KIAA1217: variants seen among roughly 807,000 people sequenced by gnomAD.
KIAA1217 encodes the protein sickle tail protein homolog.
Under a neutral mutation model 163.9 loss-of-function variants are expected in KIAA1217, and 88 were observed. The ratio of observed to expected loss-of-function variants is 0.54; its 90% CI spans 0.45 to 0.64. KIAA1217 has a LOEUF of 0.64. Ranked by LOEUF, KIAA1217 falls within the 30% of genes least tolerant of loss-of-function variation. The pLI, the probability that KIAA1217 is intolerant of heterozygous loss-of-function variation, is 0.00. For missense variants in KIAA1217, 2,372 were observed against 2,475.0 expected (o/e 0.96, Z 0.88); for synonymous variants, 903 against 923.1 (o/e 0.98, Z 0.39).
chr10:24,214,222 C>T (rs1019812065), intron 1 of KIAA1217, among the ~76,000 whole-genome samples: 1 of 152,128 alleles, frequency 6.6e-6, no homozygotes, highest in Admixed American at 6.5e-5. Flanking sequence ...GATTCTGCGG[C>T]CTGCTAACCG....
At chr10:24,355,897 T>C (rs1371083635) in intron 2 of KIAA1217, among the ~76,000 whole-genome samples, 7 of 151,320 alleles carry the variant, frequency 4.6e-5, no homozygotes, top group Admixed American at 4.0e-4. Flanking sequence ...TACAGGTGTC[T>C]GCCACCACGC....
chr10:24,524,364 A>C lies in KIAA1217; in HGVS notation c.2498A>C (p.Gln833Pro). ...DGLLKGTDAA[Q>P]AAQYMAMEKA... The stretch of plus-strand genomic sequence containing the variant: ...CTCCTGAAAGGCACGGACGCAGCCC[A>C]AGCCGCACAGTACATGGCTATGGAA... The change falls in exon 13 of 21, where the codon CAA becomes CCA. Residue 833 changes from glutamine (Q) to proline (P), a missense_variant. Gln to Pro is a moderately conservative substitution (Grantham distance 76). Transcript: ENST00000376454. 6.2e-7 allele frequency: 1 copy of C among 1,614,044 alleles called. No individual in the cohort carries two copies. Among genetic ancestry groups the C allele is most frequent in the Non-Finnish European group, 8.5e-7 (1 of 1,179,886 alleles).
At chr10:24,367,798 C>A (rs1018766628) in intron 2 of KIAA1217, among the ~76,000 whole-genome samples, 8 of 152,166 alleles carry the variant, frequency 5.3e-5, no homozygotes, top group Admixed American at 3.3e-4. Flanking sequence ...TCACAGCAAC[C>A]CTGTGGGGGA....
In KIAA1217 at chr10:24,546,986, G is replaced by A. The variant is rs769941581; in HGVS notation, c.*662G>A. On this transcript the variant is annotated 3_prime_UTR_variant, in exon 21 of 21. Transcript: ENST00000376454. ...AACCTATTGCACTGCCATGAAAAGT[G>A]TGTATAATAATTTGCTAGCCCAAGC... 5 of 151,686 alleles carry A rather than the reference G, an allele frequency of 3.3e-5. No homozygotes were observed. Among genetic ancestry groups the A allele is most frequent in the Non-Finnish European group, 7.4e-5 (5 of 67,876 alleles). The allele number at this position is 151,686 out of a possible 1,614,324, so 9.4% of individuals were successfully genotyped here. A position where few individuals can be genotyped will look rare whatever the true frequency, so the allele number is the denominator to read the frequency against.
intron 2 of KIAA1217, among the ~76,000 whole-genome samples, chr10:24,081,921 C>T (rs1433032436): frequency 6.6e-6 from 1 of 151,950 alleles, no homozygotes; most frequent in East Asian, 1.9e-4. Context: ...AGAAGCTGCA[C>T]CCTTACCCAC....
intron 2 of KIAA1217, among the ~76,000 whole-genome samples, chr10:24,285,760 A>G (rs188852674): frequency 2.6e-5 from 4 of 152,314 alleles, no homozygotes; most frequent in Admixed American, 6.5e-5. Context: ...TTTGATAGGA[A>G]TAGTGTTGAA....
intron 5 of KIAA1217, among the ~76,000 whole-genome samples, chr10:24,467,557 A>G (rs2063075959): frequency 6.6e-6 from 1 of 152,220 alleles, no homozygotes; most frequent in African/African-American, 2.4e-5. Flanking sequence ...AAGGGGTTAG[A>G]AGAATCTTTA....
At chr10:24,354,956 T>A (rs1159102520) in intron 2 of KIAA1217, among the ~76,000 whole-genome samples, 1 of 152,238 alleles carries the variant, frequency 6.6e-6, no homozygotes, top group Non-Finnish European at 1.5e-5. Flanking sequence ...TTTCCCTGCC[T>A]CCTGTCCATG....
At chr10:24,452,269 T>C (rs149606811) in intron 5 of KIAA1217, among the ~76,000 whole-genome samples, 162 of 152,190 alleles carry the variant, frequency 1.1e-3, no homozygotes, top group African/African-American at 3.8e-3. Flanking sequence ...AGACTTGTAA[T>C]TGAGAAGACA....
At chr10:24,437,618 T>C (rs542945033) in intron 4 of KIAA1217, among the ~76,000 whole-genome samples, 1 of 152,284 alleles carries the variant, frequency 6.6e-6, no homozygotes, top group African/African-American at 2.4e-5. Flanking sequence ...AGAGACTTCA[T>C]AGATATTCAT....
intron 1 of KIAA1217, among the ~76,000 whole-genome samples, chr10:23,932,421 A>C (rs1413515090): frequency 1.3e-5 from 2 of 152,166 alleles, no homozygotes; most frequent in African/African-American, 4.8e-5. Flanking sequence ...TCTTAAAAAA[A>C]AAAAAGTGCA....
At chr10:24,316,160 T>C (rs954565610) in intron 2 of KIAA1217, among the ~76,000 whole-genome samples, 9 of 152,206 alleles carry the variant, frequency 5.9e-5, no homozygotes, top group African/African-American at 2.2e-4. Flanking sequence ...CTTCAGGTGC[T>C]GTGTGTACTC....
At chr10:23,804,759 A>T (rs1379289048) in intron 1 of KIAA1217, among the ~76,000 whole-genome samples, 1 of 152,208 alleles carries the variant, frequency 6.6e-6, no homozygotes, top group African/African-American at 2.4e-5. Flanking sequence ...CGTGAATGAA[A>T]GTGTATAGTC....
intron 3 of KIAA1217, among the ~76,000 whole-genome samples, chr10:24,415,499 A>T (rs1414466927): frequency 6.6e-6 from 1 of 152,068 alleles, no homozygotes; most frequent in Non-Finnish European, 1.5e-5. Context: ...GAAAAAAAAA[A>T]GCATATAAAG....
At chr10:24,035,151 G>A (rs1230115802) in intron 2 of KIAA1217, among the ~76,000 whole-genome samples, 3 of 152,190 alleles carry the variant, frequency 2.0e-5, no homozygotes, top group African/African-American at 7.2e-5. Context: ...GTGAGATCTT[G>A]GGTGAGTTTC....
At chr10:24,028,965 G>A (rs973097612) in intron 2 of KIAA1217, among the ~76,000 whole-genome samples, 1 of 152,126 alleles carries the variant, frequency 6.6e-6, no homozygotes, top group Non-Finnish European at 1.5e-5. Flanking sequence ...GCTTTCAATG[G>A]GTTAGAATTA....
At chr10:23,820,916 C>G (rs1837588971) in intron 1 of KIAA1217, among the ~76,000 whole-genome samples, 1 of 152,074 alleles carries the variant, frequency 6.6e-6, no homozygotes, top group Non-Finnish European at 1.5e-5. Context: ...AGAATGTGCC[C>G]CCTTTGTACA....
intron 1 of KIAA1217, among the ~76,000 whole-genome samples, chr10:23,932,779 G>T (rs1404859052): frequency 1.3e-5 from 2 of 152,204 alleles, no homozygotes; most frequent in African/African-American, 4.8e-5. Context: ...CTAGTTGGCA[G>T]ATATAAAAGA....
At chr10:23,950,212 T>C (rs1244122842) in intron 1 of KIAA1217, among the ~76,000 whole-genome samples, 2 of 152,292 alleles carry the variant, frequency 1.3e-5, no homozygotes, top group East Asian at 3.9e-4. Flanking sequence ...CCTATAAAGT[T>C]TGGGGATTTC....
Sources: gnomAD v4.1 joint callset for allele counts (sites outside exome capture counted in the v4.1 genomes callset) on GRCh38, gnomAD v4.1.1 for gene constraint, MANE v1.5 for transcripts, NCBI Gene and HGNC (gene_info 2026-07-23, HGNC 2026-07-21) for gene names.